Variants in MOXD1 observed in about 807,000 individuals in gnomAD.
MOXD1 encodes monooxygenase DBH like 1.
MOXD1 carries 62 observed loss-of-function variants against 66.6 expected under a neutral mutation model. That is an observed-to-expected ratio of 0.93 (90% CI 0.76 to 1.15). MOXD1 has a LOEUF of 1.15. Among genes scored for constraint, MOXD1 ranks in the 50% most tolerant of loss-of-function variants. MOXD1 has a pLI of 0.00. For synonymous variants in MOXD1, 303 were observed against 281.9 expected, an observed-to-expected ratio of 1.07 and a Z score of -0.75; for missense variants, 847 against 754.6, an observed-to-expected ratio of 1.12 and a Z score of -1.44.
intron 7 of MOXD1, 28 bp from the exon 8 acceptor site, chr6:132,322,898 T>G: frequency 6.4e-7 from 1 of 1,565,410 alleles, no homozygotes; most frequent in Non-Finnish European, 8.7e-7. Context: ...GAAGACCCGA[T>G]TAGCCCACAT....
At chr6:132,369,060 G>C (rs539515241) in intron 4 of MOXD1, among the ~76,000 whole-genome samples, 1 of 151,976 alleles carries the variant, frequency 6.6e-6, no homozygotes, top group Non-Finnish European at 1.5e-5. Context: ...CCTGTGATGC[G>C]AGATGATACA....
Position 132,398,935 on chromosome 6 carries a change from C to CACAAAAAAAAAAAAAAAA in MOXD1, c.264+2227_264+2228insTTTTTTTTTTTTTTTTGT, listed in dbSNP as rs1554239404. 2.7e-5 allele frequency among the ~76,000 whole-genome samples: 2 copies of CACAAAAAAAAAAAAAAAA among 75,124 alleles called. 1 individual carries two copies. 49.3% of individuals were successfully genotyped at this position (75,124 alleles called of 152,430 possible). On this transcript the variant is annotated intron_variant, in intron 1 of 11. Coordinates refer to ENST00000367963, the MANE Select transcript of MOXD1 (RefSeq NM_015529.4). Reference sequence around the variant, plus strand: ...CCTGGGCAATAAAGAGAGACTTTGTCAAAAAAAAAAAAAAAAAAAAGAGAA... The same window carrying CACAAAAAAAAAAAAAAAA: ...CCTGGGCAATAAAGAGAGACTTTGTCACAAAAAAAAAAAAAAAAAAAAAAAAAAAAAAAAAAAAGAGAA...
chr6:132,351,914 T>C (rs528363595), intron 4 of MOXD1, among the ~76,000 whole-genome samples: 11 of 152,298 alleles, frequency 7.2e-5, no homozygotes, highest in African/African-American at 2.6e-4. Flanking sequence ...CTAGTTTATG[T>C]GTATAAAGGT....
intron 6 of MOXD1, among the ~76,000 whole-genome samples, chr6:132,326,579 A>G (rs1775191886): frequency 6.6e-6 from 1 of 152,092 alleles, no homozygotes. Flanking sequence ...AATTAATCCC[A>G]TTGTTATTGT....
At chr6:132,370,342 T>C (rs578134277) in intron 4 of MOXD1, among the ~76,000 whole-genome samples, 9 of 152,058 alleles carry the variant, frequency 5.9e-5, no homozygotes, top group Non-Finnish European at 1.3e-4. Context: ...TTTGTTGAAA[T>C]CTTGAATAAG....
At chr6:132,380,184 C>T (rs9373016) in intron 1 of MOXD1, among the ~76,000 whole-genome samples, 19,413 of 152,178 alleles carry the variant, frequency 0.13, 1,831 homozygotes, top group East Asian at 0.45. Context: ...TCCCACACTC[C>T]ACGTTTACAT....
At chr6:132,336,511 G>A (rs535540274) in intron 4 of MOXD1, among the ~76,000 whole-genome samples, 4 of 152,270 alleles carry the variant, frequency 2.6e-5, no homozygotes, top group South Asian at 2.1e-4. Context: ...TAACAGGAAC[G>A]GCTCTTTTAG....
chr6:132,322,854 T>C lies in MOXD1; in HGVS notation c.1130A>G (p.Lys377Arg). ...AGCAAACACATGAATTCCACTTGGC[T>C]TTTCGGCTTCCAGAGCCTACAGGAG... ...ECLEEALEAE[K>R]PSGIHVFAVL... Residue 377 changes from lysine (K) to arginine (R), a missense_variant, in exon 8 of 12, where the codon AAG becomes AGG. Transcript: ENST00000367963. The C allele has an allele frequency of 1.2e-6, 2 of 1,613,068 alleles. No homozygotes were observed. The highest frequency in any genetic ancestry group is 1.7e-6 in the Non-Finnish European group (2 of 1,179,544).
chr6:132,319,038 C>A (rs1430934668), intron 9 of MOXD1, among the ~76,000 whole-genome samples: 1 of 151,848 alleles, frequency 6.6e-6, no homozygotes, highest in Non-Finnish European at 1.5e-5. Context: ...GGACTCAAAG[C>A]ATATTGTATT....
intron 4 of MOXD1, among the ~76,000 whole-genome samples, chr6:132,358,940 TA>T (rs924897110): frequency 6.6e-6 from 1 of 152,060 alleles, no homozygotes. Context: ...ACCTTTTCTA[TA>T]AAAAAACCCA....
In MOXD1 at chr6:132,297,776, A is replaced by G; in HGVS notation, c.1677+11T>C. The G allele has an allele frequency of 1.3e-6, 2 of 1,581,920 alleles. No homozygotes were observed. The highest frequency in any genetic ancestry group is 1.7e-4 in the Middle Eastern group (1 of 5,870). The stretch of plus-strand genomic sequence containing the variant: ...TGTCATCTGGGTTGTCAGAGGTTAA[A>G]AAGAGCTTACCGACCACTCAGCATT... On this transcript the variant is annotated intron_variant, in intron 11 of 11. Coordinates refer to ENST00000367963, the MANE Select transcript of MOXD1 (RefSeq NM_015529.4).
intron 1 of MOXD1, among the ~76,000 whole-genome samples, chr6:132,400,152 G>A (rs193072358): frequency 6.0e-4 from 92 of 152,234 alleles, no homozygotes; most frequent in African/African-American, 2.1e-3. Flanking sequence ...AAGAACCTGG[G>A]GATAAAATTA....
intron 1 of MOXD1, among the ~76,000 whole-genome samples, chr6:132,384,276 TCCTTCCTTC>T (rs1314377203): frequency 0.017 from 1,586 of 95,294 alleles, 26 homozygotes; most frequent in African/African-American, 0.042. Context: ...CTTCCTTCCT[TCCTTCCTTC>T]CTTCCTCCTT....
chr6:132,391,984 G>A (rs1376539487), intron 1 of MOXD1: 1 of 530,770 alleles, frequency 1.9e-6, no homozygotes. Flanking sequence ...TCTCTTCGTT[G>A]CCTGGAAATT....
chr6:132,343,810 T>C (rs1775613473), intron 4 of MOXD1, among the ~76,000 whole-genome samples: 1 of 152,130 alleles, frequency 6.6e-6, no homozygotes, highest in Non-Finnish European at 1.5e-5. Context: ...ATTTAAATTA[T>C]ATTAAATTCA....
chr6:132,349,408 T>TATATATATATAC lies in MOXD1; in HGVS notation c.664-20815_664-20814insGTATATATATAT, dbSNP rs1775742627. On this transcript the variant is annotated intron_variant, in intron 4 of 11. Transcript: ENST00000367963. ...ATATATATATACACATATATATACATATATATATATATACATATATATATA... is the reference window on the plus strand; with the variant it reads ...ATATATATATACACATATATATACATATATATATATACATATATATATATACATATATATATA... Among the ~76,000 whole-genome samples the TATATATATATAC allele has an allele frequency of 9.1e-4, 9 of 9,912 alleles. 1 individual carries two copies. The highest frequency in any genetic ancestry group is 2.9e-3 in the African/African-American group (6 of 2,076). 6.5% of individuals were successfully genotyped at this position (9,912 alleles called of 152,430 possible). A position where few individuals can be genotyped will look rare whatever the true frequency, so the allele number is the denominator to read the frequency against.
chr6:132,297,381 C>A, intron 11 of MOXD1, 64 bp from the exon 12 acceptor site: 4 of 1,524,256 alleles, frequency 2.6e-6, no homozygotes, highest in South Asian at 1.2e-5. Context: ...GTGACCAGGC[C>A]GCTCAGCTGC....
intron 9 of MOXD1, among the ~76,000 whole-genome samples, chr6:132,316,725 G>T (rs1774967521): frequency 6.6e-6 from 1 of 152,008 alleles, no homozygotes; most frequent in African/African-American, 2.4e-5. Flanking sequence ...AAAGACTAAA[G>T]AAAAGTGAAA....
At position 132,297,231 on chromosome 6, in the gene MOXD1, G is replaced by C. The variant is rs759499414; in HGVS notation, c.1764C>G (p.Ser588=). Residue 588 remains serine (S), a synonymous_variant, in exon 12 of 12, where the codon TCC becomes TCG. Coordinates refer to ENST00000367963, the MANE Select transcript of MOXD1 (RefSeq NM_015529.4). ...PLVCGTSSSS[S]LHRDFSINLL... is the part of the protein sequence containing the mutation. Reference sequence around the variant, plus strand: ...AGTTGATGGAGAAATCTCTGTGCAGGGAAGAGGAAGAAGACGTGCCACACA... The same window carrying C: ...AGTTGATGGAGAAATCTCTGTGCAGCGAAGAGGAAGAAGACGTGCCACACA... 13 of 1,613,530 alleles carry C rather than the reference G, an allele frequency of 8.1e-6. No homozygotes were observed. The East Asian group carries it at 2.7e-4, about 33-fold the overall frequency.
Sources: gnomAD v4.1 joint callset for allele counts (sites outside exome capture counted in the v4.1 genomes callset) on GRCh38, gnomAD v4.1.1 for gene constraint, MANE v1.5 for transcripts, NCBI Gene and HGNC (gene_info 2026-07-23, HGNC 2026-07-21) for gene names.